The following NCOA2 variants were observed in gnomAD, a reference collection of about 807,000 sequenced individuals.
NCOA2 encodes nuclear receptor coactivator 2, also known as class E basic helix-loop-helix protein 75.
In NCOA2, 21 loss-of-function variants were observed where a neutral mutation model predicts 145.1. The ratio of observed to expected loss-of-function variants is 0.14; its 90% CI spans 0.10 to 0.21. The LOEUF is 0.21. NCOA2 is among the 10% of genes least tolerant of loss of function. The probability of loss-of-function intolerance (pLI) is 1.00; values close to 1 mark genes in which losing one functional copy is unlikely to be tolerated. For synonymous variants in NCOA2, 619 were observed against 637.5 expected, an observed-to-expected ratio of 0.97 and a Z score of 0.44; for missense variants, 1,472 against 1,837.6, an observed-to-expected ratio of 0.80 and a Z score of 3.64.
At chr8:70,416,187 GTT>G in the NCOA2 span, among the ~76,000 whole-genome samples, 7 of 136,798 alleles carry the variant, frequency 5.1e-5, no homozygotes, top group Middle Eastern at 3.6e-3. Flanking sequence ...GGGGACCTCA[GTT>G]TTTTTGTTTT....
intron 4 of NCOA2, among the ~76,000 whole-genome samples, chr8:70,201,049 C>CAAAAA (rs60951750): frequency 1.1e-3 from 71 of 63,720 alleles, no homozygotes; most frequent in East Asian, 2.4e-3. Context: ...GACTGTGTCT[C>CAAAAA]AAAAAAAAAA....
In NCOA2 at chr8:70,354,990, C is replaced by G. The variant is rs968034103; in HGVS notation, c.-77+48710G>C. 1.2e-4 allele frequency among the ~76,000 whole-genome samples: 18 copies of G among 152,170 alleles called. 1 individual carries two copies. The highest frequency in any genetic ancestry group is 4.1e-4 in the African/African-American group (17 of 41,458). ...GTGTTTTGGCACAGATGTTGGTCCT[C>G]GAATGTTTGCTTTGTCAGCTGTCTA... On this transcript the variant is annotated intron_variant, in intron 1 of 22. Transcript: ENST00000452400.
At chr8:70,253,290 A>T (rs1422920284) in intron 2 of NCOA2, among the ~76,000 whole-genome samples, 1 of 152,132 alleles carries the variant, frequency 6.6e-6, no homozygotes, top group African/African-American at 2.4e-5. Context: ...TTCTTTTTTT[A>T]GCTCTAAGTT....
intron 1 of NCOA2, among the ~76,000 whole-genome samples, chr8:70,360,748 GCCAACATGGTGAAA>G (rs574674273): frequency 1.3e-5 from 2 of 151,952 alleles, no homozygotes; most frequent in African/African-American, 2.4e-5. Flanking sequence ...GACCAGCCTG[GCCAACATGGTGAAA>G]CCACATCTCT....
intron 2 of NCOA2, among the ~76,000 whole-genome samples, chr8:70,296,430 ATAT>A (rs999383759): frequency 2.0e-5 from 3 of 152,224 alleles, no homozygotes; most frequent in Non-Finnish European, 4.4e-5. Flanking sequence ...ATAAAAATAA[ATAT>A]AATAAACATT....
the NCOA2 span, among the ~76,000 whole-genome samples, chr8:70,417,403 G>C: frequency 6.6e-6 from 1 of 151,968 alleles, no homozygotes; most frequent in East Asian, 1.9e-4. Context: ...ACAAAAATTT[G>C]TCAGGCATGG....
chr8:70,212,125 C>T (rs1819108810), intron 4 of NCOA2, among the ~76,000 whole-genome samples: 1 of 149,402 alleles, frequency 6.7e-6, no homozygotes, highest in African/African-American at 2.5e-5. Context: ...AGAAGTACTA[C>T]CTAAACATGC....
chr8:70,149,615 G>T (rs115646574), intron 11 of NCOA2, among the ~76,000 whole-genome samples: 22 of 151,132 alleles, frequency 1.5e-4, no homozygotes, highest in African/African-American at 5.1e-4. Flanking sequence ...ACTAACATAA[G>T]CTAAGTATCA....
intron 1 of NCOA2, among the ~76,000 whole-genome samples, chr8:70,378,493 T>C (rs1811883495): frequency 6.7e-6 from 1 of 149,482 alleles, no homozygotes; most frequent in Non-Finnish European, 1.5e-5. Context: ...GTATGCAAAA[T>C]GCAGGGAAGG....
intron 2 of NCOA2, among the ~76,000 whole-genome samples, chr8:70,255,847 A>T (rs1823593385): frequency 6.6e-6 from 1 of 152,194 alleles, no homozygotes; most frequent in African/African-American, 2.4e-5. Flanking sequence ...TCACACACAA[A>T]GAAGATCCAG....
chr8:70,425,908 A>C, the NCOA2 span, among the ~76,000 whole-genome samples: 3 of 152,082 alleles, frequency 2.0e-5, no homozygotes, highest in Admixed American at 6.6e-5. Context: ...TCCACGACTC[A>C]TTTGCTCTTC....
intron 2 of NCOA2, among the ~76,000 whole-genome samples, chr8:70,268,318 T>A (rs73292837): frequency 0.036 from 5,549 of 152,260 alleles, 352 homozygotes; most frequent in African/African-American, 0.13. Flanking sequence ...CCCAGAAAGA[T>A]AATTTCAAGT....
chr8:70,347,148 T>C (rs757389263), intron 1 of NCOA2, among the ~76,000 whole-genome samples: 3 of 152,094 alleles, frequency 2.0e-5, no homozygotes, highest in Non-Finnish European at 2.9e-5. Context: ...ACTTTTATCT[T>C]ACTAGCCTGG....
chr8:70,131,044 T>C lies in NCOA2; in HGVS notation c.3324+793A>G, dbSNP rs985736700. Among the ~76,000 whole-genome samples the C allele has an allele frequency of 1.1e-4, 16 of 152,336 alleles. No individual in the cohort carries two copies. The Middle Eastern group carries it at 0.02, about 194-fold the overall frequency. ...AATTACTTGGAAGAAGAAAGCTAAA[T>C]AAGCTCACTAAGATTAGTTAACTTT... On this transcript the variant is annotated intron_variant, in intron 16 of 22. Transcript: ENST00000452400.
intron 3 of NCOA2, among the ~76,000 whole-genome samples, chr8:70,216,062 T>C (rs1019925243): frequency 1.3e-4 from 20 of 152,212 alleles, no homozygotes; most frequent in African/African-American, 4.3e-4. Context: ...CATATACACG[T>C]CATTTTGCAT....
At chr8:70,141,683 C>A (rs1810453484) in intron 13 of NCOA2, among the ~76,000 whole-genome samples, 1 of 152,158 alleles carries the variant, frequency 6.6e-6, no homozygotes, top group South Asian at 2.1e-4. Context: ...GTGTGGATAA[C>A]CCCAACTTCC....
chr8:70,442,673 C>T, the NCOA2 span, among the ~76,000 whole-genome samples: 2 of 152,164 alleles, frequency 1.3e-5, no homozygotes, highest in Non-Finnish European at 2.9e-5. Context: ...AGCTACTGAC[C>T]TCTGATTTGC....
chr8:70,112,382 A>G lies in NCOA2; in HGVS notation c.*1250T>C. 5.2e-6 allele frequency: 1 copy of G among 193,444 alleles called. No homozygotes were observed. The highest frequency in any genetic ancestry group is 8.2e-5 in the East Asian group (1 of 12,216). 12.0% of individuals were successfully genotyped at this position (193,444 alleles called of 1,614,324 possible). A position where few individuals can be genotyped will look rare whatever the true frequency, so the allele number is the denominator to read the frequency against. On this transcript the variant is annotated 3_prime_UTR_variant, in exon 23 of 23. Coordinates refer to ENST00000452400, the MANE Select transcript of NCOA2 (RefSeq NM_006540.4). ...AACACATAAGTTCTCAACTTAAATT[A>G]TTGCTTGTTTACATATAAATTGGAT... is the stretch of plus-strand genomic sequence containing the variant.
At chr8:70,132,899 T>C (rs1227872548) in intron 15 of NCOA2, among the ~76,000 whole-genome samples, 2 of 152,096 alleles carry the variant, frequency 1.3e-5, no homozygotes, top group Non-Finnish European at 1.5e-5. Context: ...AAGAAGTGTA[T>C]CTGTTAGCCT....
Sources: gnomAD v4.1 joint callset for allele counts (sites outside exome capture counted in the v4.1 genomes callset) on GRCh38, gnomAD v4.1.1 for gene constraint, MANE v1.5 for transcripts, NCBI Gene and HGNC (gene_info 2026-07-23, HGNC 2026-07-21) for gene names.